AAMDC: variants seen among roughly 807,000 people sequenced by gnomAD.
The protein encoded by AAMDC is mth938 domain-containing protein.
A neutral mutation model predicts 15.5 loss-of-function variants in AAMDC; 16 were observed. That is an observed-to-expected ratio of 1.03 (90% CI 0.70 to 1.57). AAMDC has a LOEUF of 1.57. AAMDC is among the 40% of genes most tolerant of loss of function. The probability of loss-of-function intolerance (pLI) is 0.00; values close to 1 mark genes in which losing one functional copy is unlikely to be tolerated. For missense variants in AAMDC, 141 were observed against 144.9 expected (o/e 0.97, Z 0.14); for synonymous variants, 51 against 51.6 (o/e 0.99, Z 0.05).
intron 5 of AAMDC, among the ~76,000 whole-genome samples, chr11:77,892,732 A>G (rs1048089290): frequency 1.3e-5 from 2 of 152,034 alleles, no homozygotes; most frequent in African/African-American, 4.8e-5. Context: ...ACAGCTGCCC[A>G]CCACCACGCC....
intron 2 of AAMDC, among the ~76,000 whole-genome samples, chr11:77,853,448 C>T (rs1950482707): frequency 6.6e-6 from 1 of 151,974 alleles, no homozygotes; most frequent in South Asian, 2.1e-4. Flanking sequence ...TACTTTTAAA[C>T]AACCAGAACT....
At chr11:77,860,957 G>A (rs1348259141) in intron 2 of AAMDC, among the ~76,000 whole-genome samples, 3 of 152,220 alleles carry the variant, frequency 2.0e-5, no homozygotes, top group East Asian at 3.9e-4. Context: ...GTATTGCAGG[G>A]GCTATTGCAT....
downstream of AAMDC, among the ~76,000 whole-genome samples, chr11:77,902,935 T>C (rs1374353597): frequency 1.3e-5 from 2 of 152,212 alleles, no homozygotes; most frequent in Admixed American, 6.5e-5. Context: ...CATTTTCAGA[T>C]GAAAGATTCA....
chr11:77,846,481 C>T (rs748405340), intron 2 of AAMDC, among the ~76,000 whole-genome samples: 10 of 152,114 alleles, frequency 6.6e-5, no homozygotes, highest in East Asian at 3.9e-4. Flanking sequence ...CTGAGGCAGG[C>T]GGATCACCTG....
intron 5 of AAMDC, among the ~76,000 whole-genome samples, chr11:77,879,770 CAG>C (rs1590991156): frequency 6.6e-6 from 1 of 152,104 alleles, no homozygotes; most frequent in African/African-American, 2.4e-5. Context: ...GTTGAGGAAA[CAG>C]ATAGTTGCAA....
chr11:77,824,028 G>A, intron 1 of AAMDC, among the ~76,000 whole-genome samples: 1 of 152,114 alleles, frequency 6.6e-6, no homozygotes, highest in Non-Finnish European at 1.5e-5. Flanking sequence ...AATCTAGATC[G>A]GCAGGGAAAC....
At chr11:77,884,488 C>A (rs1951916506) in intron 5 of AAMDC, among the ~76,000 whole-genome samples, 1 of 152,216 alleles carries the variant, frequency 6.6e-6, no homozygotes, top group African/African-American at 2.4e-5. Context: ...TCCTCAGCAT[C>A]CTGGGGGACC....
chr11:77,865,212 T>G (rs756298320), intron 2 of AAMDC, among the ~76,000 whole-genome samples: 1 of 152,200 alleles, frequency 6.6e-6, no homozygotes, highest in Non-Finnish European at 1.5e-5. Flanking sequence ...CTTAGCATGA[T>G]TACTTAGTGT....
intron 5 of AAMDC, among the ~76,000 whole-genome samples, chr11:77,885,245 T>C (rs924516112): frequency 1.3e-5 from 2 of 151,948 alleles, no homozygotes; most frequent in Non-Finnish European, 2.9e-5. Flanking sequence ...GCCCGGCTAA[T>C]TTTGTATCTT....
intron 5 of AAMDC, among the ~76,000 whole-genome samples, chr11:77,897,511 T>A (rs866531842): frequency 3.4e-4 from 52 of 151,498 alleles, no homozygotes; most frequent in South Asian, 6.2e-4. Context: ...TATTATTATT[T>A]TTTTTTTGAG....
chr11:77,856,113 G>C (rs935017764), intron 2 of AAMDC, among the ~76,000 whole-genome samples: 1 of 151,962 alleles, frequency 6.6e-6, no homozygotes. Flanking sequence ...GTGACACTCT[G>C]TCTCAAAAAA....
chr11:77,904,145 G>A (rs1173475568), downstream of AAMDC, among the ~76,000 whole-genome samples: 1 of 152,144 alleles, frequency 6.6e-6, no homozygotes, highest in African/African-American at 2.4e-5. Flanking sequence ...TAAGAGCCAT[G>A]ATTTTACCTT....
At chr11:77,843,857 T>C (rs1434391157) in intron 2 of AAMDC, among the ~76,000 whole-genome samples, 1 of 152,078 alleles carries the variant, frequency 6.6e-6, no homozygotes, top group Non-Finnish European at 1.5e-5. Flanking sequence ...CTCACAATCA[T>C]GGCAGAAGGC....
At chr11:77,852,787 C>A (rs145809082) in intron 2 of AAMDC, among the ~76,000 whole-genome samples, 1 of 151,884 alleles carries the variant, frequency 6.6e-6, no homozygotes, top group Non-Finnish European at 1.5e-5. Context: ...ATTTTCCATA[C>A]GCAAAAGGTA....
At chr11:77,894,325 A>G in intron 5 of AAMDC, 2 of 1,565,412 alleles carry the variant, frequency 1.3e-6, no homozygotes, top group Non-Finnish European at 1.8e-6. Context: ...AAAATTTTTC[A>G]CACATCCCAA....
At chr11:77,839,758 G>A (rs1354285599) in intron 1 of AAMDC, among the ~76,000 whole-genome samples, 1 of 152,086 alleles carries the variant, frequency 6.6e-6, no homozygotes, top group Non-Finnish European at 1.5e-5. Flanking sequence ...TTATAAGTGG[G>A]TGCTGAACAA....
chr11:77,883,151 G>C (rs1463354489), intron 5 of AAMDC, among the ~76,000 whole-genome samples: 1 of 151,852 alleles, frequency 6.6e-6, no homozygotes, highest in East Asian at 1.9e-4. Flanking sequence ...ATTCCAAAAG[G>C]CATTCCCTAT....
rs375182802 is a variant in AAMDC, at chr11:77,869,758, G to A, written c.169G>A (p.Val57Ile). The A allele has an allele frequency of 1.9e-6, 3 of 1,613,918 alleles. No homozygotes were observed. The highest frequency in any genetic ancestry group is 1.3e-5 in the African/African-American group (1 of 74,912). ...TGTGCAGCCTGCAGATGTGAAGGAA[G>A]TTGTTGAGAAGGGTGTACAGACTCT... ...PGVQPADVKEVVEKGVQTLVI... is the reference protein window; with the variant it reads ...PGVQPADVKEIVEKGVQTLVI... The change falls in exon 3 of 4, where the codon GTT becomes ATT. Residue 57 changes from valine to isoleucine, a missense_variant. By Grantham distance (29) the Val-to-Ile change is conservative. Transcript: ENST00000393427.
chr11:77,857,938 G>A (rs1049984154), intron 2 of AAMDC, among the ~76,000 whole-genome samples: 4 of 151,880 alleles, frequency 2.6e-5, no homozygotes, highest in Non-Finnish European at 5.9e-5. Context: ...CTTGTGATCT[G>A]CCCACATTGG....
Sources: allele counts gnomAD v4.1 joint callset (sites outside exome capture counted in the v4.1 genomes callset), GRCh38; gene constraint gnomAD v4.1.1; transcripts MANE v1.5; gene names NCBI Gene and HGNC (gene_info 2026-07-23, HGNC 2026-07-21).